NLRP2: variants seen among roughly 807,000 people sequenced by gnomAD.
NLRP2 encodes NACHT, LRR and PYD domains-containing protein 2.
In NLRP2, 107 loss-of-function variants were observed where a neutral mutation model predicts 97.2. The observed-to-expected ratio is 1.10, with a 90% CI of 0.94 to 1.29. The LOEUF is 1.29. Among genes scored for constraint, NLRP2 ranks in the 50% most tolerant of loss-of-function variants. The probability of loss-of-function intolerance (pLI) is 0.00; values close to 1 mark genes in which losing one functional copy is unlikely to be tolerated. For missense variants in NLRP2, 1,495 were observed against 1,330.3 expected, an observed-to-expected ratio of 1.12 and a Z score of -1.93; for synonymous variants, 663 against 551.5, an observed-to-expected ratio of 1.20 and a Z score of -2.83.
rs188819279 is a variant in NLRP2 at position 54,982,614 on chromosome 19, G to A, written c.916G>A (p.Gly306Arg). The change falls in exon 6 of 13, where the codon GGG becomes AGG. Residue 306 changes from glycine (G) to arginine (R), a missense_variant. Gly to Arg is a moderately radical substitution (Grantham distance 125). Coordinates refer to ENST00000448584, the MANE Select transcript of NLRP2 (RefSeq NM_017852.5). Reference sequence around the variant, plus strand: ...TGGGGCGCTGATCGAGGACATCTGCGGGGACTGGGAGAAGAAGAAGCCGGT... The same window carrying A: ...TGGGGCGCTGATCGAGGACATCTGCAGGGACTGGGAGAAGAAGAAGCCGGT... ...APGALIEDIC[G>R]DWEKKKPVPV... 162 of 1,614,120 alleles carry A rather than the reference G, an allele frequency of 1.0e-4. 1 individual carries two copies. The highest frequency in any genetic ancestry group is 2.8e-4 in the Admixed American group (17 of 60,008).
In NLRP2 at chr19:54,986,216, C is replaced by T. The variant is rs1568512071; in HGVS notation, c.2267C>T (p.Thr756Ile). 14 of 1,612,544 alleles carry T rather than the reference C, an allele frequency of 8.7e-6. No homozygotes were observed. Among genetic ancestry groups the T allele is most frequent in the Non-Finnish European group, 1.1e-5 (13 of 1,178,552 alleles). Residue 756 changes from threonine to isoleucine, a missense_variant, in exon 8 of 13, where the codon ACT becomes ATT. Transcript: ENST00000448584. ...TGCCTAGCTCTTCGAGGTCACAAGA[C>T]TGTAACGTATCTGACCCTTCAAGGC... ...NLCLALRGHK[T>I]VTYLTLQGND... is the part of the protein sequence containing the mutation.
rs12973968 is a variant in NLRP2, at chr19:54,990,498, G to T, written c.2538-4G>T. The T allele has an allele frequency of 6.2e-7, 1 of 1,613,958 alleles. No individual in the cohort carries two copies. The highest frequency in any genetic ancestry group is 8.5e-7 in the Non-Finnish European group (1 of 1,179,928). ...CCGTGTTGCCATTTGTGATTCTTTT[G>T]TAGGTTGGAAAACTGTCACCTTACA... On this transcript the variant is annotated splice_region_variant and splice_polypyrimidine_tract_variant and intron_variant, in intron 9 of 12. Coordinates refer to ENST00000448584, the MANE Select transcript of NLRP2 (RefSeq NM_017852.5).
rs767901107 is a variant in NLRP2, at chr19:54,983,167, G to A, written c.1469G>A (p.Arg490His). The A allele has an allele frequency of 1.5e-5, 25 of 1,613,654 alleles. No individual in the cohort carries two copies. Among genetic ancestry groups the A allele is most frequent in the African/African-American group, 6.7e-5 (5 of 74,820 alleles). Residue 490 changes from arginine (R) to histidine (H), a missense_variant, in exon 6 of 13, where the codon CGC (arginine) becomes CAC (histidine). Transcript: ENST00000448584. ...LRLFLDGDIL[R>H]QDRVSKGCYS... is the part of the protein sequence containing the mutation. ...CTGTTCCTGGACGGAGACATCCTCC[G>A]CCAGGACAGAGTCTCCAAAGGCTGC...
chr19:54,983,859 T>G, intron 6 of NLRP2, 131 bp downstream of exon 6: 1 of 1,361,880 alleles, frequency 7.3e-7, no homozygotes, highest in Non-Finnish European at 1.0e-6. Context: ...TCTTTGTTTG[T>G]TTTTGTTTTG....
chr19:54,994,198 AGTCAAAG>A, intron 10 of NLRP2, 64 bp from the exon 11 acceptor site: 1 of 1,513,708 alleles, frequency 6.6e-7, no homozygotes, highest in Admixed American at 1.7e-5. Context: ...ACGGCTCAAG[AGTCAAAG>A]GTGCATCACA....
intron 2 of NLRP2, chr19:54,973,679 T>A (rs1324211843): frequency 1.4e-5 from 5 of 370,014 alleles, no homozygotes; most frequent in African/African-American, 8.6e-5. Context: ...CGGCCAAGGG[T>A]TTTTAACTTT....
At chr19:54,977,530 A>C (rs1043012679) in intron 3 of NLRP2, among the ~76,000 whole-genome samples, 2 of 129,022 alleles carry the variant, frequency 1.6e-5, no homozygotes, top group African/African-American at 5.3e-5. Flanking sequence ...TGTGTCTTTC[A>C]CACCATGTGT....
At chr19:54,979,640 C>T (rs531826542) in intron 4 of NLRP2, among the ~76,000 whole-genome samples, 9 of 151,432 alleles carry the variant, frequency 5.9e-5, no homozygotes, top group African/African-American at 1.9e-4. Context: ...CATGAGCCAC[C>T]GTACCTAGCC....
intron 7 of NLRP2, 36 bp from the exon 8 acceptor site, chr19:54,986,115 A>C: frequency 6.9e-7 from 1 of 1,445,004 alleles, no homozygotes; most frequent in Non-Finnish European, 9.7e-7. Context: ...ACAGGTGTAC[A>C]CACTAAAGAT....
At chr19:54,988,996 C>T (rs542088201) in intron 8 of NLRP2, among the ~76,000 whole-genome samples, 12 of 152,086 alleles carry the variant, frequency 7.9e-5, no homozygotes, top group African/African-American at 2.6e-4. Flanking sequence ...CTTGCTCTGT[C>T]GCCCAGGCTA....
chr19:54,984,329 G>GTGTGTTGTTTTTTTTTTTTTT, intron 6 of NLRP2, among the ~76,000 whole-genome samples: 55 of 79,668 alleles, frequency 6.9e-4, no homozygotes, highest in Non-Finnish European at 1.2e-3. Flanking sequence ...TTTTTTTTGT[G>GTGTGTTGTTTTTTTTTTTTTT]TTTTTTTTTT....
rs73612072 is a variant in NLRP2, at chr19:55,000,036, C to G, written c.3051-724C>G. Among the ~76,000 whole-genome samples, 1,320 of 152,112 alleles carry G rather than the reference C, an allele frequency of 8.7e-3. 13 individuals carry two copies. Among genetic ancestry groups the G allele is most frequent in the African/African-American group, 0.031 (1,269 of 41,494 alleles). On this transcript the variant is annotated intron_variant, in intron 12 of 12. Transcript: ENST00000448584. ...ACAGGCATGACCCACCACATCTGGC[C>G]TCATTTTATATTTAAAAATAAAAAA...
Position 54,985,041 on chromosome 19 carries a change from C to G in NLRP2, c.2031-6C>G. 6.2e-7 allele frequency: 1 copy of G among 1,613,962 alleles called. No homozygotes were observed. Among genetic ancestry groups the G allele is most frequent in the Non-Finnish European group, 8.5e-7 (1 of 1,179,974 alleles). ...TTGGTGTAACCCTTTCTTCTCTTCC[C>G]TATAGATCCCAGGATGATCAGCACA... On this transcript the variant is annotated splice_region_variant and splice_polypyrimidine_tract_variant and intron_variant, in intron 6 of 12. Coordinates refer to ENST00000448584, the MANE Select transcript of NLRP2 (RefSeq NM_017852.5).
chr19:54,974,651 A>AT (rs2071082987), intron 3 of NLRP2, 107 bp downstream of exon 3: 1 of 859,852 alleles, frequency 1.2e-6, no homozygotes, highest in African/African-American at 1.7e-5. Context: ...GAAATGCCGG[A>AT]CTTAGCATCC....
At chr19:54,975,673 C>G (rs578026786) in intron 3 of NLRP2, among the ~76,000 whole-genome samples, 3 of 151,878 alleles carry the variant, frequency 2.0e-5, no homozygotes, top group Admixed American at 6.6e-5. Context: ...AGGATGGTCT[C>G]GATCTCCTGA....
At chr19:54,998,611 C>CTT (rs375510249) in intron 12 of NLRP2, among the ~76,000 whole-genome samples, 18 of 42,216 alleles carry the variant, frequency 4.3e-4, no homozygotes, top group Admixed American at 1.1e-3. Flanking sequence ...CATCTTTTTT[C>CTT]TTTTTTTTTT....
At chr19:54,973,993 T>A in intron 2 of NLRP2, 1 of 1,244,002 alleles carries the variant, frequency 8.0e-7, no homozygotes. Context: ...AGGCTAAAAC[T>A]ACAAAGAAGA....
intron 10 of NLRP2, chr19:54,991,598 G>A (rs2072480274): frequency 6.6e-6 from 1 of 151,912 alleles, no homozygotes. Context: ...ATTGGGGCCT[G>A]GCATGGTGGC....
chr19:54,974,604 G>T, intron 3 of NLRP2, 60 bp downstream of exon 3: 1 of 1,167,208 alleles, frequency 8.6e-7, no homozygotes, highest in Non-Finnish European at 1.3e-6. Flanking sequence ...TCGGGCCTTT[G>T]TTTTAAGGAG....
Sources: allele counts gnomAD v4.1 joint callset (sites outside exome capture counted in the v4.1 genomes callset), GRCh38; gene constraint gnomAD v4.1.1; transcripts MANE v1.5; gene names NCBI Gene and HGNC (gene_info 2026-07-23, HGNC 2026-07-21).